FRMPD4: variants seen among roughly 807,000 people sequenced by gnomAD.
FRMPD4 encodes FERM and PDZ domain containing 4, also known as FERM and PDZ domain-containing protein 4.
Under a neutral mutation model 94.1 loss-of-function variants are expected in FRMPD4, and 22 were observed. The ratio of observed to expected loss-of-function variants is 0.23; its 90% CI spans 0.17 to 0.33. FRMPD4 has a LOEUF of 0.33. Among genes scored for constraint, FRMPD4 ranks in the 10% least tolerant of loss-of-function variants. The pLI, the probability that FRMPD4 is intolerant of heterozygous loss-of-function variation, is 1.00. For synonymous variants in FRMPD4, 631 were observed against 548.6 expected (o/e 1.15, Z -2.10); for missense variants, 1,111 against 1,339.9 (o/e 0.83, Z 2.67).
intron 2 of FRMPD4, among the ~76,000 whole-genome samples, chrX:12,529,410 G>A (rs2058261731): frequency 8.9e-6 from 1 of 112,773 alleles, no homozygotes; most frequent in Non-Finnish European, 1.9e-5. Flanking sequence ...TCTCCCCAAT[G>A]TTGCCATATT....
intron 1 of FRMPD4, among the ~76,000 whole-genome samples, chrX:12,204,619 T>A (rs1279902929): frequency 9.1e-6 from 1 of 109,735 alleles, no homozygotes; most frequent in Non-Finnish European, 1.9e-5. Flanking sequence ...GAGCAGCCTG[T>A]CTGTCAGCTT....
At chrX:11,947,986 A>G (rs746772278) in intron 3 of FRMPD4, among the ~76,000 whole-genome samples, 1 of 107,428 alleles carries the variant, frequency 9.3e-6, no homozygotes, top group East Asian at 2.9e-4. Flanking sequence ...GCTACTCGGG[A>G]AGCTGAGGCA....
chrX:12,191,304 G>A (rs1167789807), intron 1 of FRMPD4, among the ~76,000 whole-genome samples: 2 of 112,010 alleles, frequency 1.8e-5, no homozygotes, highest in Admixed American at 9.4e-5. Flanking sequence ...TGGGAATGCA[G>A]AATGATACAG....
intron 1 of FRMPD4, among the ~76,000 whole-genome samples, chrX:12,487,962 G>A (rs1350446208): frequency 8.9e-6 from 1 of 112,141 alleles, no homozygotes; most frequent in African/African-American, 3.2e-5. Flanking sequence ...AGGTTTATGT[G>A]TTTTGTTTAC....
intron 1 of FRMPD4, among the ~76,000 whole-genome samples, chrX:12,457,315 C>T (rs1455289413): frequency 9.0e-6 from 1 of 111,645 alleles, no homozygotes; most frequent in African/African-American, 3.3e-5. Context: ...TACTGACCCT[C>T]TCATAATGAT....
At chrX:12,556,157 C>T (rs1333064236) in intron 2 of FRMPD4, among the ~76,000 whole-genome samples, 2 of 110,595 alleles carry the variant, frequency 1.8e-5, no homozygotes, top group African/African-American at 6.6e-5. Context: ...GTATAAATAC[C>T]CTGTATAATC....
intron 3 of FRMPD4, among the ~76,000 whole-genome samples, chrX:12,095,747 C>T (rs776486251): frequency 8.9e-6 from 1 of 112,222 alleles, no homozygotes; most frequent in African/African-American, 3.2e-5. Context: ...GGTAATGTCC[C>T]CCTATGGGTC....
intron 5 of FRMPD4, among the ~76,000 whole-genome samples, chrX:12,680,366 CAAGTGGT>C (rs1472307011): frequency 1.8e-5 from 2 of 112,302 alleles, no homozygotes; most frequent in Non-Finnish European, 3.8e-5. Context: ...AGCAGGCTTT[CAAGTGGT>C]ACACATTGTA....
chrX:12,433,395 C>T (rs1199411352), intron 1 of FRMPD4, among the ~76,000 whole-genome samples: 1 of 112,092 alleles, frequency 8.9e-6, no homozygotes, highest in Admixed American at 9.4e-5. Context: ...GGAGAAATTA[C>T]TCTCCAGAGG....
chrX:12,419,685 T>C (rs1463316340), intron 1 of FRMPD4, among the ~76,000 whole-genome samples: 4 of 111,304 alleles, frequency 3.6e-5, no homozygotes, highest in African/African-American at 6.5e-5. Context: ...TCACTGAACC[T>C]ATTTGCTCCA....
intron 3 of FRMPD4, among the ~76,000 whole-genome samples, chrX:12,000,011 TGACATTTAAAAAGCC>T (rs1341065047): frequency 8.9e-6 from 1 of 112,160 alleles, no homozygotes; most frequent in Non-Finnish European, 1.9e-5. Context: ...GAACTCAACT[TGACATTTAAAAAGCC>T]CATGCTTCAG....
chrX:12,500,986 G>A (rs1483718491), intron 2 of FRMPD4, among the ~76,000 whole-genome samples: 1 of 112,114 alleles, frequency 8.9e-6, no homozygotes, highest in Non-Finnish European at 1.9e-5. Flanking sequence ...TAAAACAGGT[G>A]TTTCTTTTCC....
chrX:12,432,221 A>G (rs781086297), intron 1 of FRMPD4, among the ~76,000 whole-genome samples: 1 of 112,293 alleles, frequency 8.9e-6, no homozygotes, highest in African/African-American at 3.2e-5. Flanking sequence ...TGTAAAAACT[A>G]GAAGCCCCCA....
At chrX:12,564,228 A>T (rs2058688886) in intron 2 of FRMPD4, among the ~76,000 whole-genome samples, 1 of 112,620 alleles carries the variant, frequency 8.9e-6, no homozygotes, top group Non-Finnish European at 1.9e-5. Context: ...CACATTGAGG[A>T]TTAGGCTTCA....
intron 1 of FRMPD4, among the ~76,000 whole-genome samples, chrX:12,374,597 C>T (rs751804504): frequency 3.6e-5 from 4 of 111,811 alleles, no homozygotes; most frequent in East Asian, 5.6e-4. Context: ...CAAAAGAGTC[C>T]GAGATGAACA....
At chrX:11,891,148 C>G (rs962984990) in intron 3 of FRMPD4, among the ~76,000 whole-genome samples, 1 of 112,442 alleles carries the variant, frequency 8.9e-6, no homozygotes, top group African/African-American at 3.2e-5. Flanking sequence ...CTACCTGGGA[C>G]AGAGAGCACT....
At chrX:11,892,703 G>A (rs1312971544) in intron 3 of FRMPD4, among the ~76,000 whole-genome samples, 3 of 112,340 alleles carry the variant, frequency 2.7e-5, no homozygotes, top group Non-Finnish European at 5.6e-5. Flanking sequence ...TTTCCTAGGG[G>A]TCTGCTGCTT....
chrX:12,274,655 C>T (rs182273474), intron 1 of FRMPD4, among the ~76,000 whole-genome samples: 2 of 112,386 alleles, frequency 1.8e-5, no homozygotes, highest in African/African-American at 6.5e-5. Flanking sequence ...GAGCAATGTA[C>T]TCATTCCATT....
intron 3 of FRMPD4, among the ~76,000 whole-genome samples, chrX:11,930,574 A>G (rs1325024390): frequency 9.0e-6 from 1 of 111,647 alleles, no homozygotes; most frequent in Admixed American, 9.5e-5. Flanking sequence ...AGACAGTGCA[A>G]CCTTATAGAC....
Sources: allele counts gnomAD v4.1 joint callset (sites outside exome capture counted in the v4.1 genomes callset), GRCh38; gene constraint gnomAD v4.1.1; transcripts MANE v1.5; gene names NCBI Gene and HGNC (gene_info 2026-07-23, HGNC 2026-07-21).